NRXN1: variants seen among roughly 807,000 people sequenced by gnomAD.
The protein encoded by NRXN1 is neurexin-1.
NRXN1 carries 39 observed loss-of-function variants against 150.9 expected under a neutral mutation model. The observed-to-expected ratio is 0.26, with a 90% CI of 0.20 to 0.34. NRXN1 has a LOEUF of 0.34. Among genes scored for constraint, NRXN1 ranks in the 10% least tolerant of loss-of-function variants. The pLI is 1.00. For missense variants in NRXN1, 1,815 were observed against 1,949.9 expected, an observed-to-expected ratio of 0.93 and a Z score of 1.30; for synonymous variants, 924 against 757.0, an observed-to-expected ratio of 1.22 and a Z score of -3.62.
intron 8 of NRXN1, among the ~76,000 whole-genome samples, chr2:50,579,022 A>T (rs183793333): frequency 1.3e-5 from 2 of 152,264 alleles, no homozygotes; most frequent in Admixed American, 1.3e-4. Context: ...TTTTCCCTTA[A>T]GCTGCATTTC....
At chr2:50,421,587 T>C (rs1558702216) in intron 17 of NRXN1, among the ~76,000 whole-genome samples, 1 of 152,156 alleles carries the variant, frequency 6.6e-6, no homozygotes, top group Admixed American at 6.6e-5. Context: ...TTTTAATCTG[T>C]GTTTTCACAA....
chr2:50,262,449 A>T (rs1004841066), intron 17 of NRXN1, among the ~76,000 whole-genome samples: 1 of 151,952 alleles, frequency 6.6e-6, no homozygotes, highest in African/African-American at 2.4e-5. Context: ...TTATGTAATT[A>T]CTGAGGTCTT....
At chr2:50,950,290 A>T (rs2104576688) in intron 2 of NRXN1, among the ~76,000 whole-genome samples, 1 of 152,286 alleles carries the variant, frequency 6.6e-6, no homozygotes, top group South Asian at 2.1e-4. Flanking sequence ...GACTTTGGAG[A>T]TTGCAATAAA....
At chr2:50,747,899 T>A (rs1391168714) in intron 5 of NRXN1, among the ~76,000 whole-genome samples, 1 of 152,124 alleles carries the variant, frequency 6.6e-6, no homozygotes, top group South Asian at 2.1e-4. Flanking sequence ...AAGGTGTATA[T>A]GGGATGTGAT....
intron 21 of NRXN1, among the ~76,000 whole-genome samples, chr2:50,025,933 T>C (rs1238365777): frequency 6.6e-6 from 1 of 152,204 alleles, no homozygotes; most frequent in Non-Finnish European, 1.5e-5. Flanking sequence ...GTGGCCCAAC[T>C]TCAGGCCAGT....
intron 8 of NRXN1, among the ~76,000 whole-genome samples, chr2:50,581,216 T>C (rs538366069): frequency 2.0e-3 from 299 of 152,328 alleles, no homozygotes; most frequent in African/African-American, 6.9e-3. Context: ...CAAACATATA[T>C]GCTGAATGGA....
intron 5 of NRXN1, among the ~76,000 whole-genome samples, chr2:50,860,972 CATGTT>C (rs1204370945): frequency 6.6e-6 from 1 of 152,028 alleles, no homozygotes; most frequent in East Asian, 1.9e-4. Context: ...ATTCTCTTGA[CATGTT>C]ATAAGCAATA....
chr2:50,812,482 T>C lies in NRXN1; in HGVS notation c.832+109387A>G, dbSNP rs562889060. Among the ~76,000 whole-genome samples, 113 of 152,256 alleles carry C rather than the reference T, an allele frequency of 7.4e-4. 1 individual carries two copies. Among genetic ancestry groups the C allele is most frequent in the Non-Finnish European group, 9.7e-4 (66 of 68,008 alleles). On this transcript the variant is annotated intron_variant, in intron 5 of 22. Coordinates refer to ENST00000401669, the MANE Select transcript of NRXN1 (RefSeq NM_001330078.2). ...AGATTTTGGTTTTAAGAAATTTTCC[T>C]CTTTGTAAGTCAATGTCTTAGTAAA... is the stretch of plus-strand genomic sequence containing the variant.
chr2:50,296,733 G>T (rs2073618376), intron 17 of NRXN1, among the ~76,000 whole-genome samples: 2 of 151,984 alleles, frequency 1.3e-5, no homozygotes, highest in African/African-American at 4.8e-5. Flanking sequence ...CTCTGAAAGT[G>T]CTGGGATTAC....
intron 17 of NRXN1, among the ~76,000 whole-genome samples, chr2:50,300,259 C>T (rs1428692789): frequency 6.6e-6 from 1 of 152,170 alleles, no homozygotes; most frequent in African/African-American, 2.4e-5. Context: ...GGTAAGACCA[C>T]CCTGATCCTA....
At chr2:50,632,441 A>C (rs2104412202) in intron 5 of NRXN1, 1 of 152,166 alleles carries the variant, frequency 6.6e-6, no homozygotes, top group African/African-American at 2.4e-5. Flanking sequence ...TTAACAAAAT[A>C]ATGATCTCTA....
At chr2:50,921,906 T>C in intron 4 of NRXN1, 26 bp from the exon 5 acceptor site, 1 of 1,383,600 alleles carries the variant, frequency 7.2e-7, no homozygotes, top group Admixed American at 2.6e-5. Flanking sequence ...AATGGGTCCA[T>C]GAAGAAAGGG....
intron 18 of NRXN1, among the ~76,000 whole-genome samples, chr2:50,138,477 A>G (rs1408716108): frequency 1.3e-5 from 2 of 152,224 alleles, no homozygotes; most frequent in Non-Finnish European, 2.9e-5. Context: ...GTAACACATT[A>G]ACACTAATTC....
chr2:50,870,537 C>A (rs886212646), intron 5 of NRXN1, among the ~76,000 whole-genome samples: 1 of 151,926 alleles, frequency 6.6e-6, no homozygotes, highest in East Asian at 1.9e-4. Context: ...GCATTTGCAA[C>A]TTACTATTCT....
At chr2:50,583,221 T>C (rs963672562) in intron 8 of NRXN1, among the ~76,000 whole-genome samples, 2 of 152,076 alleles carry the variant, frequency 1.3e-5, no homozygotes, top group Non-Finnish European at 2.9e-5. Flanking sequence ...TTTTTAATTT[T>C]AGTAGAGACA....
chr2:50,456,149 A>G (rs567091778), intron 17 of NRXN1, among the ~76,000 whole-genome samples: 2 of 152,262 alleles, frequency 1.3e-5, no homozygotes, highest in South Asian at 4.1e-4. Flanking sequence ...GTCTCCTTCA[A>G]ATACAGCCTC....
intron 5 of NRXN1, among the ~76,000 whole-genome samples, chr2:50,905,353 C>G (rs1321632605): frequency 6.6e-6 from 1 of 152,082 alleles, no homozygotes; most frequent in Admixed American, 6.6e-5. Flanking sequence ...ATTTAAGGAA[C>G]CTGGTAAGAC....
chr2:50,879,544 ATC>A (rs1679116734), intron 5 of NRXN1, among the ~76,000 whole-genome samples: 1 of 151,892 alleles, frequency 6.6e-6, no homozygotes, highest in Non-Finnish European at 1.5e-5. Flanking sequence ...TCATTTAATA[ATC>A]TGTGAGCAGA....
At chr2:50,175,321 G>A (rs1427055113) in intron 18 of NRXN1, 1 of 152,134 alleles carries the variant, frequency 6.6e-6, no homozygotes, top group Non-Finnish European at 1.5e-5. Context: ...CAAACCATAA[G>A]GCCATTAACA....
Sources: allele counts gnomAD v4.1 joint callset (sites outside exome capture counted in the v4.1 genomes callset), GRCh38; gene constraint gnomAD v4.1.1; transcripts MANE v1.5; gene names NCBI Gene and HGNC (gene_info 2026-07-23, HGNC 2026-07-21).